DENND2A: variants seen among roughly 807,000 people sequenced by gnomAD.
The protein encoded by DENND2A is DENN domain-containing protein 2A.
DENND2A carries 53 observed loss-of-function variants against 105.3 expected under a neutral mutation model. The observed-to-expected ratio is 0.50, with a 90% CI of 0.40 to 0.63. The LOEUF (loss-of-function observed/expected upper bound fraction) is 0.63. Ranked by LOEUF, DENND2A falls within the 30% of genes least tolerant of loss-of-function variation. The pLI, the probability that DENND2A is intolerant of heterozygous loss-of-function variation, is 0.00. For missense variants in DENND2A, 1,138 were observed against 1,279.6 expected (o/e 0.89, Z 1.69); for synonymous variants, 522 against 508.4 (o/e 1.03, Z -0.36).
intron 5 of DENND2A, among the ~76,000 whole-genome samples, chr7:140,575,079 C>T (rs552153301): frequency 2.0e-5 from 3 of 152,028 alleles, no homozygotes; most frequent in African/African-American, 7.2e-5. Context: ...AATTTAGAAC[C>T]CATAGACGAT....
At chr7:140,606,103 T>C (rs1304640666) in intron 1 of DENND2A, among the ~76,000 whole-genome samples, 2 of 152,180 alleles carry the variant, frequency 1.3e-5, no homozygotes, top group East Asian at 3.8e-4. Flanking sequence ...TGCAGTGGCA[T>C]GCTCTTGGCT....
At chr7:140,602,952 TC>T (rs1799571257) in intron 2 of DENND2A, among the ~76,000 whole-genome samples, 1 of 151,936 alleles carries the variant, frequency 6.6e-6, no homozygotes, top group Non-Finnish European at 1.5e-5. Context: ...GTTGTTTAAG[TC>T]CTCTAAACCT....
Position 140,607,801 on chromosome 7 carries a change from C to G in DENND2A, c.-247-1995G>C, listed in dbSNP as rs187409907. ...CACCACCCTCCACACAGACCAAACC[C>G]ACAAGAATCCAACCTTGTTCCATAT... is the stretch of plus-strand genomic sequence containing the variant. On this transcript the variant is annotated intron_variant, in intron 1 of 19. Transcript: ENST00000496613. 1.1e-3 allele frequency among the ~76,000 whole-genome samples: 168 copies of G among 152,298 alleles called. 1 individual carries two copies. Among genetic ancestry groups the G allele is most frequent in the African/African-American group, 3.9e-3 (164 of 41,552 alleles).
At chr7:140,620,617 T>C (rs1417286779) in intron 1 of DENND2A, among the ~76,000 whole-genome samples, 3 of 152,246 alleles carry the variant, frequency 2.0e-5, no homozygotes, top group South Asian at 2.1e-4. Flanking sequence ...TGTGGGTGTC[T>C]GGGTCTGCCC....
intron 5 of DENND2A, among the ~76,000 whole-genome samples, chr7:140,585,210 A>G (rs897283002): frequency 4.0e-5 from 6 of 151,728 alleles, no homozygotes; most frequent in Non-Finnish European, 8.8e-5. Context: ...CAATTAAATC[A>G]ACAACAACAA....
At chr7:140,604,740 A>G (rs533920578) in intron 2 of DENND2A, among the ~76,000 whole-genome samples, 2 of 152,346 alleles carry the variant, frequency 1.3e-5, no homozygotes, top group African/African-American at 4.8e-5. Context: ...GGCTTTGGAA[A>G]TGAGGGACTT....
At chr7:140,609,377 G>T (rs1010310668) in intron 1 of DENND2A, among the ~76,000 whole-genome samples, 1 of 152,208 alleles carries the variant, frequency 6.6e-6, no homozygotes, top group African/African-American at 2.4e-5. Context: ...GGTGGGCGTG[G>T]TGGTGGGCGC....
Position 140,601,457 on chromosome 7 carries a change from G to A in DENND2A, c.941C>T (p.Ser314Phe), listed in dbSNP as rs776126618. ...PPPLPSSPPP[S>F]SVNRRLWTGR... ...GGTCCACAGTCTTCTGTTCACAGAG[G>A]AAGGTGGGGGAGAGGAGGGCAGAGG... Residue 314 changes from serine (S) to phenylalanine (F), a missense_variant, in exon 3 of 20, where the codon TCC (serine) becomes TTC (phenylalanine). Transcript: ENST00000496613. 1.5e-5 allele frequency: 25 copies of A among 1,613,648 alleles called. No individual in the cohort carries two copies. The highest frequency in any genetic ancestry group is 1.4e-5 in the Non-Finnish European group (17 of 1,179,814).
At chr7:140,577,437 G>C (rs553574980) in intron 5 of DENND2A, among the ~76,000 whole-genome samples, 9 of 145,170 alleles carry the variant, frequency 6.2e-5, no homozygotes, top group Admixed American at 5.7e-4. Flanking sequence ...TCGCTCTGTT[G>C]CCCAGGCTGG....
intron 15 of DENND2A, among the ~76,000 whole-genome samples, chr7:140,526,483 C>T (rs1015648028): frequency 2.6e-5 from 4 of 152,326 alleles, no homozygotes; most frequent in African/African-American, 9.6e-5. Flanking sequence ...ATAACAACAG[C>T]TGGAAACATG....
At chr7:140,554,273 G>A (rs966282473) in intron 12 of DENND2A, among the ~76,000 whole-genome samples, 1 of 151,972 alleles carries the variant, frequency 6.6e-6, no homozygotes, top group African/African-American at 2.4e-5. Context: ...TTCATGGACC[G>A]TAGGTGCAGG....
rs193030530 is a variant in DENND2A at position 140,629,311 on chromosome 7, G to C, written c.-248+11193C>G. On this transcript the variant is annotated intron_variant, in intron 1 of 19. Transcript: ENST00000496613. ...GAAATTTGGAGGAGGACAACGAAAG[G>C]GGAGCCAGGGACTGCTTCAAAGAGG... 1.4e-3 allele frequency among the ~76,000 whole-genome samples: 217 copies of C among 152,280 alleles called. 1 individual carries two copies. The highest frequency in any genetic ancestry group is 5.1e-3 in the African/African-American group (211 of 41,552).
chr7:140,624,946 G>A (rs1409615404), intron 1 of DENND2A, among the ~76,000 whole-genome samples: 4 of 147,280 alleles, frequency 2.7e-5, no homozygotes, highest in Admixed American at 1.4e-4. Context: ...ATACAGCTTC[G>A]ACCTTATGTC....
chr7:140,570,131 G>C (rs1050464614), intron 6 of DENND2A, among the ~76,000 whole-genome samples: 13 of 152,140 alleles, frequency 8.5e-5, no homozygotes, highest in Admixed American at 2.0e-4. Flanking sequence ...CTGACCTCAG[G>C]TGATCCACCC....
chr7:140,529,147 T>C (rs1424189715), intron 14 of DENND2A, among the ~76,000 whole-genome samples: 3 of 151,914 alleles, frequency 2.0e-5, no homozygotes, highest in Non-Finnish European at 4.4e-5. Context: ...GGGAGAAATA[T>C]TGGGAGTTTC....
At chr7:140,546,990 G>A (rs767198707) in intron 12 of DENND2A, 51 bp from the exon 13 acceptor site, 14 of 1,587,364 alleles carry the variant, frequency 8.8e-6, no homozygotes, top group Non-Finnish European at 1.2e-5. Flanking sequence ...AAGCACCAAG[G>A]TGGAGCTCAG....
In DENND2A at chr7:140,612,466, A is replaced by G. The variant is rs765047621; in HGVS notation, c.-247-6660T>C. On this transcript the variant is annotated intron_variant, in intron 1 of 19. Coordinates refer to ENST00000496613, the MANE Select transcript of DENND2A (RefSeq NM_015689.5). ...TGAAGCATAAGTAAATATGTATTAT[A>G]TATAACTTGACACCAAAAGGATCAT... is the stretch of plus-strand genomic sequence containing the variant. Among the ~76,000 whole-genome samples, 108 of 151,970 alleles carry G rather than the reference A, an allele frequency of 7.1e-4. 1 individual carries two copies. The highest frequency in any genetic ancestry group is 3.5e-3 in the Admixed American group (54 of 15,232).
At chr7:140,568,895 C>G in intron 7 of DENND2A, 82 bp from the exon 8 acceptor site, 1 of 1,367,354 alleles carries the variant, frequency 7.3e-7, no homozygotes, top group South Asian at 1.2e-5. Flanking sequence ...TAGCACAGAT[C>G]AAATGTTCTA....
At chr7:140,609,110 T>A (rs1799794483) in intron 1 of DENND2A, among the ~76,000 whole-genome samples, 1 of 152,204 alleles carries the variant, frequency 6.6e-6, no homozygotes, top group African/African-American at 2.4e-5. Flanking sequence ...AAGTAGACTA[T>A]ATTCCAAGAG....
Sources: allele counts gnomAD v4.1 joint callset (sites outside exome capture counted in the v4.1 genomes callset), GRCh38; gene constraint gnomAD v4.1.1; transcripts MANE v1.5; gene names NCBI Gene and HGNC (gene_info 2026-07-23, HGNC 2026-07-21).